JARID2: variants seen among roughly 807,000 people sequenced by gnomAD.
JARID2 encodes protein Jumonji.
A neutral mutation model predicts 125.6 loss-of-function variants in JARID2; 21 were observed. The ratio of observed to expected loss-of-function variants is 0.17; its 90% CI spans 0.12 to 0.24. The LOEUF is 0.24. Among genes scored for constraint, JARID2 ranks in the 10% least tolerant of loss-of-function variants. JARID2 has a pLI of 1.00. For missense variants in JARID2, 1,303 were observed against 1,639.6 expected (o/e 0.79, Z 3.55); for synonymous variants, 736 against 661.6 (o/e 1.11, Z -1.73).
rs561216396 is a variant in JARID2, at chr6:15,360,674, TTTG to T, written c.46-13435_46-13433del. On this transcript the variant is annotated intron_variant, in intron 1 of 17. Coordinates refer to ENST00000341776, the MANE Select transcript of JARID2 (RefSeq NM_004973.4). ...TTAAGTTTTTAACTAATTTTAAATTTTTGTTGTTGTAGAGATGAGGGTCTCTTG... is the reference window on the plus strand; with the variant it reads ...TTAAGTTTTTAACTAATTTTAAATTTTTGTTGTAGAGATGAGGGTCTCTTG... 5.3e-3 allele frequency among the ~76,000 whole-genome samples: 809 copies of T among 152,200 alleles called. 5 individuals are homozygous for T. The highest frequency in any genetic ancestry group is 0.01 in the Non-Finnish European group (686 of 67,998).
At chr6:15,268,305 A>G (rs1290448850) in intron 1 of JARID2, among the ~76,000 whole-genome samples, 2 of 152,200 alleles carry the variant, frequency 1.3e-5, no homozygotes, top group Non-Finnish European at 2.9e-5. Context: ...CTAATAGAAA[A>G]CAAAAAAGTT....
intron 2 of JARID2, among the ~76,000 whole-genome samples, chr6:15,379,035 C>T (rs1381755238): frequency 6.6e-6 from 1 of 152,020 alleles, no homozygotes. Flanking sequence ...GCTCAGCTGC[C>T]CTGGTTCTGT....
chr6:15,487,675 G>GAC (rs1769946714), intron 6 of JARID2, 133 bp downstream of exon 6: 2 of 791,904 alleles, frequency 2.5e-6, no homozygotes, highest in Admixed American at 3.0e-5. Context: ...GGGACAGACA[G>GAC]AGCGCACCTT....
At chr6:15,332,686 A>G (rs1762746806) in intron 1 of JARID2, among the ~76,000 whole-genome samples, 1 of 152,120 alleles carries the variant, frequency 6.6e-6, no homozygotes, top group Non-Finnish European at 1.5e-5. Context: ...TAGGCCTTCT[A>G]AGTTGTTGCA....
chr6:15,269,445 T>G (rs1317784459), intron 1 of JARID2, among the ~76,000 whole-genome samples: 4 of 152,154 alleles, frequency 2.6e-5, no homozygotes, highest in Admixed American at 2.0e-4. Context: ...TACTGCATCC[T>G]TGAACTCTTG....
intron 1 of JARID2, chr6:15,247,952 G>C: frequency 1.0e-6 from 1 of 985,434 alleles, no homozygotes. Flanking sequence ...CGCCTTCCCG[G>C]GGCACGTCCG....
chr6:15,513,161 T>TG, intron 15 of JARID2, 78 bp from the exon 16 acceptor site: 1 of 1,506,884 alleles, frequency 6.6e-7, no homozygotes, highest in Non-Finnish European at 8.9e-7. Flanking sequence ...GAGGCCGGTG[T>TG]GGGGTGCGTG....
At chr6:15,465,480 A>C (rs985990596) in intron 4 of JARID2, among the ~76,000 whole-genome samples, 3 of 151,478 alleles carry the variant, frequency 2.0e-5, no homozygotes, top group Non-Finnish European at 1.5e-5. Context: ...GTAGATATCA[A>C]CAAAGTCTGG....
chr6:15,467,127 C>T (rs1196934112), intron 4 of JARID2, among the ~76,000 whole-genome samples: 5 of 152,182 alleles, frequency 3.3e-5, no homozygotes, highest in Non-Finnish European at 5.9e-5. Flanking sequence ...GGTTGAAGGT[C>T]CCACATAGTC....
intron 1 of JARID2, among the ~76,000 whole-genome samples, chr6:15,327,937 G>T (rs1039468479): frequency 6.6e-6 from 1 of 152,030 alleles, no homozygotes; most frequent in Admixed American, 6.6e-5. Flanking sequence ...GTTTGTATTT[G>T]TCTCCACACA....
chr6:15,498,865 C>CT (rs765177518), intron 7 of JARID2, among the ~76,000 whole-genome samples: 1 of 152,256 alleles, frequency 6.6e-6, no homozygotes, highest in Non-Finnish European at 1.5e-5. Flanking sequence ...CACAGGATGA[C>CT]TGAGTCAGTG....
intron 2 of JARID2, among the ~76,000 whole-genome samples, chr6:15,384,808 A>C (rs867303244): frequency 1.3e-5 from 2 of 152,058 alleles, no homozygotes; most frequent in East Asian, 3.9e-4. Flanking sequence ...GGCTTAAGTG[A>C]TCCTCTTTCC....
At chr6:15,247,977 A>G in intron 1 of JARID2, 2 of 985,508 alleles carry the variant, frequency 2.0e-6, no homozygotes, top group Non-Finnish European at 2.4e-6. Flanking sequence ...GGATGCAGCC[A>G]CAAAGCAAAT....
chr6:15,282,712 C>T (rs1022068870), intron 1 of JARID2, among the ~76,000 whole-genome samples: 1 of 152,124 alleles, frequency 6.6e-6, no homozygotes, highest in African/African-American at 2.4e-5. Context: ...TCCTATTCTC[C>T]TGCCTCAGCC....
At chr6:15,389,832 G>A (rs565147054) in intron 2 of JARID2, among the ~76,000 whole-genome samples, 1 of 152,182 alleles carries the variant, frequency 6.6e-6, no homozygotes, top group Admixed American at 6.5e-5. Context: ...TAATATGATG[G>A]TATGGACCCC....
chr6:15,412,715 T>C (rs904612160), intron 3 of JARID2, among the ~76,000 whole-genome samples: 4 of 152,220 alleles, frequency 2.6e-5, no homozygotes, highest in Non-Finnish European at 5.9e-5. Context: ...GGGTTGGGTA[T>C]GAACCCTGCC....
At position 15,269,918 on chromosome 6, in the gene JARID2, C is replaced by T. The variant is rs183069052; in HGVS notation, c.45+23334C>T. Among the ~76,000 whole-genome samples the T allele has an allele frequency of 1.6e-3, 243 of 152,296 alleles. 1 individual carries two copies. Among genetic ancestry groups the T allele is most frequent in the Non-Finnish European group, 3.0e-3 (206 of 68,022 alleles). On this transcript the variant is annotated intron_variant, in intron 1 of 17. Transcript: ENST00000341776. ...TGAGTTTTGCTGGGAAATTGGTTAG[C>T]TTCGCTGCAACCTTGTCATTTCTTT...
At chr6:15,276,297 C>G (rs928501568) in intron 1 of JARID2, among the ~76,000 whole-genome samples, 3 of 152,188 alleles carry the variant, frequency 2.0e-5, no homozygotes, top group Non-Finnish European at 4.4e-5. Flanking sequence ...CCATCAGATT[C>G]TGCATGCCTG....
chr6:15,475,540 A>T (rs185558916), intron 5 of JARID2, among the ~76,000 whole-genome samples: 10 of 152,196 alleles, frequency 6.6e-5, no homozygotes, highest in Admixed American at 2.6e-4. Context: ...ACATAAACCC[A>T]CTAGCCCCAC....
Sources: allele counts gnomAD v4.1 joint callset (sites outside exome capture counted in the v4.1 genomes callset), GRCh38; gene constraint gnomAD v4.1.1; transcripts MANE v1.5; gene names NCBI Gene and HGNC (gene_info 2026-07-23, HGNC 2026-07-21).